IGFBP7: variants seen among roughly 807,000 people sequenced by gnomAD.
IGFBP7 encodes the protein insulin like growth factor binding protein 7, also known as insulin-like growth factor-binding protein 7.
A neutral mutation model predicts 29.4 loss-of-function variants in IGFBP7; 31 were observed. The observed-to-expected ratio is 1.05, with a 90% CI of 0.79 to 1.42. The LOEUF (loss-of-function observed/expected upper bound fraction) is 1.42. Ranked by LOEUF, IGFBP7 falls within the 40% of genes most tolerant of loss-of-function variation. The pLI is 0.00. For missense variants in IGFBP7, 393 were observed against 395.5 expected (o/e 0.99, Z 0.05); for synonymous variants, 172 against 174.9 (o/e 0.98, Z 0.13).
intron 1 of IGFBP7, among the ~76,000 whole-genome samples, chr4:57,051,337 C>T (rs577333072): frequency 2.0e-5 from 3 of 152,284 alleles, no homozygotes; most frequent in South Asian, 4.1e-4. Context: ...ATCTAGCACA[C>T]GGTCTCAGGG....
At chr4:57,097,271 G>C (rs909643587) in intron 1 of IGFBP7, among the ~76,000 whole-genome samples, 2 of 152,218 alleles carry the variant, frequency 1.3e-5, no homozygotes, top group African/African-American at 4.8e-5. Context: ...ATGCTGCAAA[G>C]CAAAGCATGT....
chr4:57,072,805 C>A (rs1725086949), intron 1 of IGFBP7: 1 of 556,394 alleles, frequency 1.8e-6, no homozygotes. Flanking sequence ...GAGCAGCTGG[C>A]ACAGCATATG....
intron 1 of IGFBP7, among the ~76,000 whole-genome samples, chr4:57,064,046 T>C (rs1005743841): frequency 2.0e-5 from 3 of 152,160 alleles, no homozygotes; most frequent in East Asian, 1.9e-4. Context: ...AGAGTAACGA[T>C]TGAAAACTGC....
intron 1 of IGFBP7, among the ~76,000 whole-genome samples, chr4:57,089,748 C>T (rs1307971990): frequency 6.6e-6 from 1 of 152,122 alleles, no homozygotes; most frequent in Admixed American, 6.6e-5. Context: ...AATAGGGTGT[C>T]CCAGTGATCA....
At chr4:57,089,297 A>C (rs2109793561) in intron 1 of IGFBP7, among the ~76,000 whole-genome samples, 1 of 152,336 alleles carries the variant, frequency 6.6e-6, no homozygotes, top group African/African-American at 2.4e-5. Flanking sequence ...ATACAATTAT[A>C]ACTTTTTCTG....
At chr4:57,063,906 T>C (rs1724855323) in intron 1 of IGFBP7, among the ~76,000 whole-genome samples, 1 of 152,222 alleles carries the variant, frequency 6.6e-6, no homozygotes, top group Non-Finnish European at 1.5e-5. Flanking sequence ...AAAACTTAGA[T>C]AAAACCCAGG....
intron 1 of IGFBP7, among the ~76,000 whole-genome samples, chr4:57,055,351 A>T (rs1724632064): frequency 6.6e-6 from 1 of 152,224 alleles, no homozygotes; most frequent in Non-Finnish European, 1.5e-5. Context: ...TATCTTAAAA[A>T]AAACTCCCTA....
chr4:57,084,172 A>G (rs150804611), intron 1 of IGFBP7, among the ~76,000 whole-genome samples: 6 of 152,340 alleles, frequency 3.9e-5, no homozygotes, highest in Non-Finnish European at 8.8e-5. Context: ...TTGCTTGATT[A>G]TATATGATTA....
intron 1 of IGFBP7, among the ~76,000 whole-genome samples, chr4:57,068,285 C>CAAA (rs199520507): frequency 7.6e-4 from 56 of 73,856 alleles, no homozygotes; most frequent in Middle Eastern, 0.016. Context: ...GACCCTGTCT[C>CAAA]AAAAAAAAAA....
chr4:57,053,947 G>A (rs747064207), intron 1 of IGFBP7, among the ~76,000 whole-genome samples: 7 of 152,156 alleles, frequency 4.6e-5, no homozygotes, highest in African/African-American at 1.2e-4. Flanking sequence ...TGCTAACCAC[G>A]TGGATGGTCA....
rs1332076882 is a variant in IGFBP7 at position 57,058,119 on chromosome 4, C to T, written c.476-17186G>A. ...GTAATTTTTTTTAATCAGCAAGGAG[C>T]ATTTTAACTTACAAAAAAATAAGGA... On this transcript the variant is annotated intron_variant, in intron 1 of 4. Coordinates refer to ENST00000295666, the MANE Select transcript of IGFBP7 (RefSeq NM_001553.3). 2.2e-5 allele frequency among the ~76,000 whole-genome samples: 3 copies of T among 138,560 alleles called. No individual in the cohort carries two copies. The East Asian group carries it at 7.3e-4, about 34-fold the overall frequency. The allele number at this position is 138,560 out of a possible 152,430, so 90.9% of individuals were successfully genotyped here.
At chr4:57,105,906 A>AAT (rs1553917674) in intron 1 of IGFBP7, among the ~76,000 whole-genome samples, 1 of 40,710 alleles carries the variant, frequency 2.5e-5, no homozygotes, top group Non-Finnish European at 4.9e-5. Flanking sequence ...CCATTTTTTA[A>AAT]ATTTTTTTTT....
chr4:57,083,653 G>C (rs984520189), intron 1 of IGFBP7, among the ~76,000 whole-genome samples: 1 of 152,204 alleles, frequency 6.6e-6, no homozygotes, highest in Non-Finnish European at 1.5e-5. Context: ...TGGCTGTTTA[G>C]TACATTGCTG....
chr4:57,089,108 AT>A (rs1348985094), intron 1 of IGFBP7, among the ~76,000 whole-genome samples: 1 of 150,836 alleles, frequency 6.6e-6, no homozygotes, highest in Non-Finnish European at 1.5e-5. Flanking sequence ...GGGAGTGGGG[AT>A]TTGAACCCCA....
At chr4:57,050,722 A>ATTT (rs35769988) in intron 1 of IGFBP7, among the ~76,000 whole-genome samples, 4 of 140,390 alleles carry the variant, frequency 2.8e-5, no homozygotes, top group Non-Finnish European at 4.6e-5. Flanking sequence ...TTAAAAAAGA[A>ATTT]TTTTTTTTTT....
chr4:57,060,900 C>T (rs540327298), intron 1 of IGFBP7, among the ~76,000 whole-genome samples: 13 of 151,302 alleles, frequency 8.6e-5, no homozygotes, highest in African/African-American at 2.9e-4. Flanking sequence ...GCCTGAGTGA[C>T]GGGGCAAAAA....
intron 1 of IGFBP7, among the ~76,000 whole-genome samples, chr4:57,065,945 T>C (rs1279094684): frequency 6.6e-6 from 1 of 152,098 alleles, no homozygotes; most frequent in Non-Finnish European, 1.5e-5. Flanking sequence ...AGGTGTTCCT[T>C]TGCTCCCTAC....
At chr4:57,058,228 G>A (rs967044112) in intron 1 of IGFBP7, among the ~76,000 whole-genome samples, 7 of 152,208 alleles carry the variant, frequency 4.6e-5, no homozygotes, top group African/African-American at 1.7e-4. Flanking sequence ...GATGATTAAA[G>A]AACAGATCTT....
At chr4:57,081,702 T>C (rs1173071548) in intron 1 of IGFBP7, among the ~76,000 whole-genome samples, 1 of 152,014 alleles carries the variant, frequency 6.6e-6, no homozygotes, top group Non-Finnish European at 1.5e-5. Context: ...CCGTTTTGAA[T>C]ATGTGTGAAA....
Sources: gnomAD v4.1 joint callset for allele counts (sites outside exome capture counted in the v4.1 genomes callset) on GRCh38, gnomAD v4.1.1 for gene constraint, MANE v1.5 for transcripts, NCBI Gene and HGNC (gene_info 2026-07-23, HGNC 2026-07-21) for gene names.